SECISBP2: variants seen among roughly 807,000 people sequenced by gnomAD.
SECISBP2 encodes selenocysteine insertion sequence-binding protein 2.
SECISBP2 carries 96 observed loss-of-function variants against 98.2 expected under a neutral mutation model. That is an observed-to-expected ratio of 0.98 (90% confidence interval 0.83 to 1.16). SECISBP2 has a LOEUF of 1.16. SECISBP2 is among the 50% of genes most tolerant of loss of function. The pLI is 0.00. For synonymous variants in SECISBP2, 407 were observed against 370.2 expected (o/e 1.10, Z -1.14); for missense variants, 1,046 against 1,022.9 (o/e 1.02, Z -0.31).
chr9:89,326,728 T>TA (rs1826769046), intron 4 of SECISBP2, among the ~76,000 whole-genome samples: 1 of 152,218 alleles, frequency 6.6e-6, no homozygotes, highest in Non-Finnish European at 1.5e-5. Flanking sequence ...AGAGTGTACT[T>TA]ACACAGACCT....
In SECISBP2 at chr9:89,359,184, G is replaced by A; in HGVS notation, c.*360G>A. 1 of 337,376 alleles carries A rather than the reference G, an allele frequency of 3.0e-6. No individual in the cohort carries two copies. 20.9% of individuals were successfully genotyped at this position (337,376 alleles called of 1,614,324 possible). On this transcript the variant is annotated 3_prime_UTR_variant, in exon 17 of 17. Transcript: ENST00000375807. ...GCTGAGCCAAGTGAGTGAGTTTGCA[G>A]AAAGCAGGTGGTGAGCTCCTGCCTG...
At chr9:89,328,913 T>C in intron 5 of SECISBP2, 27 bp downstream of exon 5, 1 of 1,556,616 alleles carries the variant, frequency 6.4e-7, no homozygotes, top group Non-Finnish European at 8.8e-7. Flanking sequence ...TCTCTTTTTC[T>C]TTTTCCTTTG....
chr9:89,326,189 C>A, intron 4 of SECISBP2, 151 bp downstream of exon 4: 1 of 876,292 alleles, frequency 1.1e-6, no homozygotes, highest in Non-Finnish European at 1.8e-6. Context: ...GGGCGTCAGA[C>A]TTCCTGAGCA....
intron 12 of SECISBP2, 65 bp from the exon 13 acceptor site, chr9:89,349,711 G>T: frequency 6.3e-7 from 1 of 1,576,032 alleles, no homozygotes; most frequent in Non-Finnish European, 8.7e-7. Context: ...ACTGCATTGG[G>T]CCAGCCCCTC....
At chr9:89,335,391 G>A (rs190603441) in intron 7 of SECISBP2, among the ~76,000 whole-genome samples, 1 of 152,028 alleles carries the variant, frequency 6.6e-6, no homozygotes, top group Admixed American at 6.5e-5. Context: ...GGAGTGCAGT[G>A]GCATGATCTT....
downstream of SECISBP2, among the ~76,000 whole-genome samples, chr9:89,363,267 T>TC (rs67247190): frequency 0.16 from 24,879 of 151,620 alleles, 2,634 homozygotes; most frequent in East Asian, 0.39. Context: ...ACGTGGGATT[T>TC]CCCCCCCCAG....
chr9:89,351,517 C>T (rs1831280995), intron 14 of SECISBP2, among the ~76,000 whole-genome samples: 1 of 152,128 alleles, frequency 6.6e-6, no homozygotes, highest in South Asian at 2.1e-4. Flanking sequence ...ACCTGTCCTT[C>T]ATCTCCATCT....
chr9:89,346,379 C>A (rs1343343720), intron 10 of SECISBP2, among the ~76,000 whole-genome samples: 1 of 152,128 alleles, frequency 6.6e-6, no homozygotes, highest in East Asian at 1.9e-4. Flanking sequence ...AGAGAATTAA[C>A]TAGAAATATT....
At chr9:89,325,292 T>G (rs1228690420) in intron 2 of SECISBP2, 135 bp from the exon 3 acceptor site, 2 of 788,370 alleles carry the variant, frequency 2.5e-6, no homozygotes, top group Admixed American at 5.4e-5. Context: ...ATTTGGCTTT[T>G]AATTAGGGAT....
At chr9:89,362,223 G>A, downstream of SECISBP2, 1 of 1,022,214 alleles carries the variant, frequency 9.8e-7, no homozygotes, top group Non-Finnish European at 1.5e-6. Context: ...TGGGTTCCAG[G>A]CTTCTCCACT....
intron 14 of SECISBP2, among the ~76,000 whole-genome samples, chr9:89,352,339 G>A (rs1831404084): frequency 6.6e-6 from 1 of 152,138 alleles, no homozygotes; most frequent in African/African-American, 2.4e-5. Flanking sequence ...CTCCCACCCT[G>A]CTCTCAATAA....
intron 10 of SECISBP2, among the ~76,000 whole-genome samples, chr9:89,341,841 A>G (rs1055973484): frequency 6.6e-6 from 1 of 152,252 alleles, no homozygotes; most frequent in South Asian, 2.1e-4. Context: ...AGCTAAAACT[A>G]TAAAACTCTT....
intron 5 of SECISBP2, 42 bp from the exon 6 acceptor site, chr9:89,332,866 A>G (rs1323837872): frequency 1.4e-5 from 21 of 1,484,152 alleles, no homozygotes; most frequent in Non-Finnish European, 1.5e-5. Context: ...CCTTGTTTTA[A>G]TTTGCATTTC....
chr9:89,350,756 C>G lies in SECISBP2; in HGVS notation c.2017C>G (p.Leu673Val). ...AGTCAAGGCCAAGACTAAACGTCGA[C>G]TTGTGTTGGGGTTGAGGGAGGTTCT... ...DPVKAKTKRR[L>V]VLGLREVLKH... The change falls in exon 14 of 17, where the codon CTT (leucine) becomes GTT (valine). Residue 673 changes from leucine to valine, a missense_variant. Transcript: ENST00000375807. 1 of 1,614,220 alleles carries G rather than the reference C, an allele frequency of 6.2e-7. No individual in the cohort carries two copies. The highest frequency in any genetic ancestry group is 8.5e-7 in the Non-Finnish European group (1 of 1,180,036).
intron 5 of SECISBP2, among the ~76,000 whole-genome samples, chr9:89,331,194 C>T (rs543243824): frequency 6.6e-6 from 1 of 152,312 alleles, no homozygotes; most frequent in Admixed American, 6.5e-5. Context: ...TAAATACGTA[C>T]AGTCTTACGT....
chr9:89,333,534 C>G (rs562734515), intron 6 of SECISBP2, among the ~76,000 whole-genome samples: 11 of 152,300 alleles, frequency 7.2e-5, no homozygotes, highest in African/African-American at 2.6e-4. Context: ...CCATGGCATT[C>G]ACCTGCCTCA....
chr9:89,348,018 G>A, intron 11 of SECISBP2, 61 bp from the exon 12 acceptor site: 1 of 1,506,672 alleles, frequency 6.6e-7, no homozygotes, highest in Non-Finnish European at 9.1e-7. Context: ...TTAATTTGCA[G>A]AAGAGCTTAT....
downstream of SECISBP2, chr9:89,361,268 G>A (rs1332990473): frequency 6.6e-6 from 1 of 152,182 alleles, no homozygotes; most frequent in African/African-American, 2.4e-5. Context: ...GAATTAGCAG[G>A]CGATGTATGC....
In SECISBP2 at chr9:89,327,164, C is replaced by CA. The variant is rs769384820; in HGVS notation, c.574+1140dup. Among the ~76,000 whole-genome samples the CA allele has an allele frequency of 1.4e-3, 167 of 120,998 alleles. 1 individual carries two copies. The highest frequency in any genetic ancestry group is 4.2e-3 in the Middle Eastern group (1 of 236). 79.4% of individuals were successfully genotyped at this position (120,998 alleles called of 152,430 possible). The stretch of plus-strand genomic sequence containing the variant: ...GGGAGACAGAGCGAGACTCCGTCTC[C>CA]AAAAAAAAAAAAAAGATATAAAATG... On this transcript the variant is annotated intron_variant, in intron 4 of 16. Transcript: ENST00000375807.
Sources: allele counts gnomAD v4.1 joint callset (sites outside exome capture counted in the v4.1 genomes callset), GRCh38; gene constraint gnomAD v4.1.1; transcripts MANE v1.5; gene names NCBI Gene and HGNC (gene_info 2026-07-23, HGNC 2026-07-21).